TTC27: variants seen among roughly 807,000 people sequenced by gnomAD.
TTC27 encodes the protein tetratricopeptide repeat domain 27.
Under a neutral mutation model 115.9 loss-of-function variants are expected in TTC27, and 79 were observed. That is an observed-to-expected ratio of 0.68 (90% confidence interval 0.57 to 0.82). The LOEUF is 0.82. TTC27 is among the 40% of genes least tolerant of loss of function. The pLI, the probability that TTC27 is intolerant of heterozygous loss-of-function variation, is 0.00. For missense variants in TTC27, 1,054 were observed against 993.1 expected (o/e 1.06, Z -0.82); for synonymous variants, 401 against 356.0 (o/e 1.13, Z -1.42).
At chr2:32,650,055 C>A in intron 4 of TTC27, 76 bp from the exon 5 acceptor site, 1 of 1,232,480 alleles carries the variant, frequency 8.1e-7, no homozygotes, top group Non-Finnish European at 1.2e-6. Flanking sequence ...TAAAAAAATT[C>A]TAAAAATCTC....
At chr2:32,740,685 G>A (rs181281472) in intron 12 of TTC27, among the ~76,000 whole-genome samples, 14 of 152,112 alleles carry the variant, frequency 9.2e-5, no homozygotes, top group Admixed American at 5.9e-4. Context: ...ATGGAGTTTC[G>A]CTCTTGTCGC....
intron 13 of TTC27, among the ~76,000 whole-genome samples, chr2:32,763,525 A>G (rs1414250822): frequency 6.6e-6 from 1 of 152,216 alleles, no homozygotes. Context: ...GGAAAGGGTT[A>G]GGGGGAAAAA....
At chr2:32,648,513 G>A (rs1186422584) in intron 4 of TTC27, among the ~76,000 whole-genome samples, 2 of 148,200 alleles carry the variant, frequency 1.3e-5, no homozygotes, top group African/African-American at 5.0e-5. Flanking sequence ...CTAGCCTCGA[G>A]TGATCTTCTC....
intron 12 of TTC27, among the ~76,000 whole-genome samples, chr2:32,754,289 C>CGGCCT (rs766932314): frequency 1.6e-3 from 238 of 150,634 alleles, no homozygotes; most frequent in East Asian, 7.8e-3. Flanking sequence ...GAGGACCCTT[C>CGGCCT]GGCCTTCCGC....
chr2:32,631,333 T>G (rs1229713183), intron 2 of TTC27, among the ~76,000 whole-genome samples: 2 of 152,050 alleles, frequency 1.3e-5, no homozygotes, highest in East Asian at 3.9e-4. Flanking sequence ...AAAACATACT[T>G]TCAATCTTGT....
At position 32,814,455 on chromosome 2, in the gene TTC27, A is replaced by T. The variant is rs140856383; in HGVS notation, c.2308+1840A>T. Among the ~76,000 whole-genome samples the T allele has an allele frequency of 1.6e-4, 24 of 152,340 alleles. No homozygotes were observed. In the East Asian group the frequency reaches 2.5e-3, roughly 16 times the overall value. On this transcript the variant is annotated intron_variant, in intron 18 of 19. Transcript: ENST00000317907. ...TGATATTTTAGATTTACAAAGATAAATCTTAATCATTTCCTTGTTACTTTT... is the reference window on the plus strand; with the variant it reads ...TGATATTTTAGATTTACAAAGATAATTCTTAATCATTTCCTTGTTACTTTT...
chr2:32,759,446 A>G (rs1261943950), intron 13 of TTC27, among the ~76,000 whole-genome samples: 1 of 152,202 alleles, frequency 6.6e-6, no homozygotes, highest in East Asian at 1.9e-4. Context: ...AAAAATTACC[A>G]TCTTAACCAT....
At chr2:32,658,912 T>G (rs1665431699) in intron 5 of TTC27, among the ~76,000 whole-genome samples, 1 of 152,202 alleles carries the variant, frequency 6.6e-6, no homozygotes, top group African/African-American at 2.4e-5. Flanking sequence ...TATTCACTTA[T>G]TCCTTATTTG....
intron 13 of TTC27, among the ~76,000 whole-genome samples, chr2:32,765,854 C>T (rs777891954): frequency 2.0e-5 from 3 of 152,158 alleles, no homozygotes; most frequent in Non-Finnish European, 4.4e-5. Context: ...TCTTCTGCAG[C>T]TTCTCCACCT....
At chr2:32,750,577 ATTTAC>A (rs1423420974) in intron 12 of TTC27, among the ~76,000 whole-genome samples, 1 of 152,228 alleles carries the variant, frequency 6.6e-6, no homozygotes, top group Non-Finnish European at 1.5e-5. Context: ...TAACTTGGGA[ATTTAC>A]TTATTTGGAA....
intron 9 of TTC27, among the ~76,000 whole-genome samples, chr2:32,695,672 T>C (rs1448896469): frequency 7.6e-6 from 1 of 131,150 alleles, no homozygotes; most frequent in East Asian, 2.3e-4. Flanking sequence ...TGAGCTGAGA[T>C]CGCGCCACCA....
chr2:32,651,817 C>A (rs1394534468), intron 5 of TTC27, among the ~76,000 whole-genome samples: 1 of 152,042 alleles, frequency 6.6e-6, no homozygotes, highest in Non-Finnish European at 1.5e-5. Context: ...GATAAAATGA[C>A]CATCTATACA....
At chr2:32,759,724 T>C (rs1669369610) in intron 13 of TTC27, among the ~76,000 whole-genome samples, 1 of 152,236 alleles carries the variant, frequency 6.6e-6, no homozygotes, top group Non-Finnish European at 1.5e-5. Context: ...AACTCCCTGT[T>C]TCCCCTTCGT....
intron 16 of TTC27, among the ~76,000 whole-genome samples, chr2:32,796,861 T>G (rs1184682218): frequency 6.6e-6 from 1 of 152,000 alleles, no homozygotes; most frequent in Non-Finnish European, 1.5e-5. Flanking sequence ...TCAAAGGATT[T>G]TTTTTTCTTT....
chr2:32,745,312 C>A (rs1259797773), intron 12 of TTC27, among the ~76,000 whole-genome samples: 1 of 152,064 alleles, frequency 6.6e-6, no homozygotes, highest in Non-Finnish European at 1.5e-5. Flanking sequence ...TTAGCTCTCT[C>A]CCTGAGGCAG....
At chr2:32,774,372 A>G (rs1457511719) in intron 13 of TTC27, among the ~76,000 whole-genome samples, 12 of 151,932 alleles carry the variant, frequency 7.9e-5, no homozygotes, top group African/African-American at 2.7e-4. Context: ...ACAGGGTTTT[A>G]CCATTTTGGC....
chr2:32,633,778 G>T, intron 2 of TTC27, 98 bp from the exon 3 acceptor site: 1 of 1,339,670 alleles, frequency 7.5e-7, no homozygotes, highest in Non-Finnish European at 1.0e-6. Flanking sequence ...AATGTTGATA[G>T]ATATTATTTT....
intron 10 of TTC27, among the ~76,000 whole-genome samples, chr2:32,720,239 T>A (rs1371019691): frequency 6.6e-6 from 1 of 152,214 alleles, no homozygotes; most frequent in Non-Finnish European, 1.5e-5. Flanking sequence ...TTGGAAAACT[T>A]TCCTTCATAA....
chr2:32,776,606 TG>T (rs1394776128), intron 13 of TTC27, among the ~76,000 whole-genome samples: 1 of 152,164 alleles, frequency 6.6e-6, no homozygotes, highest in Non-Finnish European at 1.5e-5. Flanking sequence ...TTTGTGTTTT[TG>T]TTTTTGTTTT....
Sources: gnomAD v4.1 joint callset for allele counts (sites outside exome capture counted in the v4.1 genomes callset) on GRCh38, gnomAD v4.1.1 for gene constraint, MANE v1.5 for transcripts, NCBI Gene and HGNC (gene_info 2026-07-23, HGNC 2026-07-21) for gene names.